The following DPP10 variants were observed in gnomAD, a reference collection of about 807,000 sequenced individuals.
DPP10 encodes the protein dipeptidyl peptidase like 10, also known as inactive dipeptidyl peptidase 10.
DPP10 carries 33 observed loss-of-function variants against 120.9 expected under a neutral mutation model. The ratio of observed to expected loss-of-function variants is 0.27; its 90% CI spans 0.21 to 0.37. DPP10 has a LOEUF of 0.37. Ranked by LOEUF, DPP10 falls within the 10% of genes least tolerant of loss-of-function variation. The pLI, the probability that DPP10 is intolerant of heterozygous loss-of-function variation, is 1.00. For synonymous variants in DPP10, 337 were observed against 326.1 expected, an observed-to-expected ratio of 1.03 and a Z score of -0.36; for missense variants, 816 against 942.8, an observed-to-expected ratio of 0.87 and a Z score of 1.76.
intron 5 of DPP10, among the ~76,000 whole-genome samples, chr2:115,581,522 C>T (rs549812042): frequency 1.6e-4 from 25 of 152,022 alleles, no homozygotes; most frequent in Non-Finnish European, 1.5e-4. Flanking sequence ...CTTGCTCAGC[C>T]GCTCATGCTA....
chr2:114,941,541 A>G (rs926999999), intron 1 of DPP10, among the ~76,000 whole-genome samples: 1 of 152,214 alleles, frequency 6.6e-6, no homozygotes, highest in Admixed American at 6.5e-5. Context: ...AAGCATAATA[A>G]TATTATTTAA....
At chr2:114,981,973 C>T (rs1700117811) in intron 1 of DPP10, among the ~76,000 whole-genome samples, 1 of 151,752 alleles carries the variant, frequency 6.6e-6, no homozygotes. Flanking sequence ...CAGCTCACTA[C>T]AACTTCCACC....
At chr2:115,560,727 G>GA (rs2080595557) in intron 5 of DPP10, among the ~76,000 whole-genome samples, 1 of 151,670 alleles carries the variant, frequency 6.6e-6, no homozygotes, top group Non-Finnish European at 1.5e-5. Context: ...CTAGCAAAGT[G>GA]ATACTGTTAG....
intron 1 of DPP10, among the ~76,000 whole-genome samples, chr2:114,936,965 T>C (rs1227452660): frequency 6.6e-6 from 1 of 152,226 alleles, no homozygotes; most frequent in Non-Finnish European, 1.5e-5. Flanking sequence ...GCTGATTTGT[T>C]TGAGTTCTTT....
At chr2:114,871,390 T>C (rs762552028) in intron 1 of DPP10, among the ~76,000 whole-genome samples, 9 of 152,204 alleles carry the variant, frequency 5.9e-5, no homozygotes, top group Non-Finnish European at 1.2e-4. Context: ...CTGGATCTAT[T>C]AGGTTGGTGC....
intron 1 of DPP10, among the ~76,000 whole-genome samples, chr2:114,651,661 G>T (rs1303217372): frequency 1.3e-5 from 2 of 151,820 alleles, no homozygotes; most frequent in Non-Finnish European, 2.9e-5. Context: ...TTTTTTTAAA[G>T]ACTGTGCTTG....
rs987723673 is a variant in DPP10, at chr2:115,821,071, T to C, written c.1950+5342T>C. Among the ~76,000 whole-genome samples the C allele has an allele frequency of 3.9e-5, 6 of 152,182 alleles. No individual in the cohort carries two copies. In the South Asian group the frequency reaches 6.2e-4, roughly 16 times the overall value. On this transcript the variant is annotated intron_variant, in intron 21 of 25. Coordinates refer to ENST00000410059, the MANE Select transcript of DPP10 (RefSeq NM_020868.6). Reference sequence around the variant, plus strand: ...GTTTTCCGTAGTGGTTGTACTAGTTTACATTTTTAAAACTTCCATGTGTGC... The same window carrying C: ...GTTTTCCGTAGTGGTTGTACTAGTTCACATTTTTAAAACTTCCATGTGTGC...
At chr2:115,177,762 T>TTTTGTTTG (rs57710013) in intron 1 of DPP10, among the ~76,000 whole-genome samples, 86,522 of 150,738 alleles carry the variant, frequency 0.57, 25,040 homozygotes, top group Non-Finnish European at 0.61. Flanking sequence ...TTGTTTTTGT[T>TTTTGTTTG]TTTGTTTGTT....
intron 1 of DPP10, among the ~76,000 whole-genome samples, chr2:114,756,733 G>A (rs1331340114): frequency 6.6e-6 from 1 of 152,038 alleles, no homozygotes; most frequent in South Asian, 2.1e-4. Flanking sequence ...GTCTTCATAA[G>A]TAGTGCCAAT....
chr2:115,230,866 G>C (rs1389360184), intron 1 of DPP10, among the ~76,000 whole-genome samples: 3 of 151,856 alleles, frequency 2.0e-5, no homozygotes, highest in Non-Finnish European at 1.5e-5. Flanking sequence ...TCTAATATCT[G>C]CAATATCAAT....
chr2:114,612,141 C>G (rs1013645862), intron 1 of DPP10, among the ~76,000 whole-genome samples: 1 of 152,190 alleles, frequency 6.6e-6, no homozygotes, highest in Non-Finnish European at 1.5e-5. Flanking sequence ...TTTTCTTCAT[C>G]TCTGACCCTT....
chr2:114,787,445 G>C (rs1019930290), intron 1 of DPP10, among the ~76,000 whole-genome samples: 1 of 152,176 alleles, frequency 6.6e-6, no homozygotes, highest in Non-Finnish European at 1.5e-5. Context: ...ATTTTGAGCA[G>C]GGAGGTAAGA....
At chr2:115,677,832 A>G (rs1233595781) in intron 5 of DPP10, among the ~76,000 whole-genome samples, 1 of 152,204 alleles carries the variant, frequency 6.6e-6, no homozygotes, top group Non-Finnish European at 1.5e-5. Context: ...TGGGGACTTT[A>G]ACGCCTGACT....
chr2:114,502,441 TA>T (rs577246949), intron 1 of DPP10, among the ~76,000 whole-genome samples: 96 of 152,348 alleles, frequency 6.3e-4, no homozygotes, highest in African/African-American at 2.1e-3. Context: ...TACCAGTACG[TA>T]GACATATATT....
At chr2:114,746,145 A>G (rs1678558393) in intron 1 of DPP10, among the ~76,000 whole-genome samples, 1 of 152,136 alleles carries the variant, frequency 6.6e-6, no homozygotes. Flanking sequence ...GAAAAGAATT[A>G]CACAGCTGAC....
chr2:115,049,433 A>C (rs530777716), intron 1 of DPP10, among the ~76,000 whole-genome samples: 15 of 152,134 alleles, frequency 9.9e-5, no homozygotes, highest in African/African-American at 3.6e-4. Context: ...GATCTACTTT[A>C]TAGCCTTTCA....
intron 21 of DPP10, among the ~76,000 whole-genome samples, chr2:115,825,853 C>G (rs1190558288): frequency 6.6e-6 from 1 of 152,126 alleles, no homozygotes; most frequent in African/African-American, 2.4e-5. Context: ...TAGAATTGGG[C>G]AAGACTTCAT....
intron 3 of DPP10, among the ~76,000 whole-genome samples, chr2:115,347,849 A>G (rs2063787243): frequency 6.6e-6 from 1 of 152,090 alleles, no homozygotes; most frequent in Admixed American, 6.6e-5. Context: ...TCCATGGTAT[A>G]TATGTGCCAC....
intron 1 of DPP10, among the ~76,000 whole-genome samples, chr2:115,100,694 C>A (rs901074527): frequency 2.6e-5 from 4 of 152,060 alleles, no homozygotes; most frequent in Admixed American, 2.6e-4. Flanking sequence ...GCTAACTTAA[C>A]TTGGATGATC....
Sources: gnomAD v4.1 joint callset for allele counts (sites outside exome capture counted in the v4.1 genomes callset) on GRCh38, gnomAD v4.1.1 for gene constraint, MANE v1.5 for transcripts, NCBI Gene and HGNC (gene_info 2026-07-23, HGNC 2026-07-21) for gene names.